HMSD: variants seen among roughly 807,000 people sequenced by gnomAD.
HMSD encodes histocompatibility minor serpin domain containing.
A neutral mutation model predicts 10.0 loss-of-function variants in HMSD; 13 were observed. The observed-to-expected ratio is 1.31, with a 90% confidence interval of 0.85 to 2.08. The LOEUF is 2.08. Ranked by LOEUF, HMSD falls within the 30% of genes most tolerant of loss-of-function variation. The pLI is 0.00. For synonymous variants in HMSD, 51 were observed against 54.2 expected, an observed-to-expected ratio of 0.94 and a Z score of 0.26; for missense variants, 169 against 166.3, an observed-to-expected ratio of 1.02 and a Z score of -0.09.
chr18:63,960,107 T>G, intron 3 of HMSD, 51 bp from the exon 4 acceptor site: 28 of 1,500,340 alleles, frequency 1.9e-5, no homozygotes, highest in Non-Finnish European at 2.3e-5. Context: ...AGTAAGCCAG[T>G]GATATTAGTT....
chr18:63,954,527 C>T lies in HMSD; in HGVS notation c.192C>T (p.Leu64=), dbSNP rs1168279387. The change falls in exon 3 of 4, where the codon CTC becomes CTT. Residue 64 remains leucine, a synonymous_variant. Transcript: ENST00000408945. ...ATGTGCTTAGAACTGCCAACGGGCT[C>T]TTTGGAGAAAAGTCTTATGATTTCC... ...TEYVLRTANG[L]FGEKSYDFLT... is the part of the protein sequence containing the mutation. The T allele has an allele frequency of 6.2e-7, 1 of 1,611,958 alleles. No individual in the cohort carries two copies. The highest frequency in any genetic ancestry group is 1.7e-5 in the Admixed American group (1 of 59,958).
chr18:63,957,697 T>C lies in HMSD; in HGVS notation c.223-2461T>C, dbSNP rs114183637. Reference sequence around the variant, plus strand: ...TTTACTAGCTTACTAGTTTTCTATATAAAGACAACCAAAATGTTAACAACC... The same window carrying C: ...TTTACTAGCTTACTAGTTTTCTATACAAAGACAACCAAAATGTTAACAACC... On this transcript the variant is annotated intron_variant, in intron 3 of 3. Transcript: ENST00000408945. 2.8e-3 allele frequency among the ~76,000 whole-genome samples: 426 copies of C among 152,282 alleles called. 1 individual carries two copies. Among genetic ancestry groups the C allele is most frequent in the African/African-American group, 9.6e-3 (399 of 41,568 alleles).
chr18:63,960,796 A>G lies in HMSD; in HGVS notation c.*441A>G, dbSNP rs916220306. On this transcript the variant is annotated 3_prime_UTR_variant, in exon 4 of 4. Transcript: ENST00000408945. ...CTGACACAACCCATATTTTCTTTCCATAACTGGCCAACTTTTCCCTTTGTA... is the reference window on the plus strand; with the variant it reads ...CTGACACAACCCATATTTTCTTTCCGTAACTGGCCAACTTTTCCCTTTGTA... 1.3e-5 allele frequency: 2 copies of G among 159,312 alleles called. No homozygotes were observed. Among genetic ancestry groups the G allele is most frequent in the African/African-American group, 2.4e-5 (1 of 41,484 alleles). The allele number at this position is 159,312 out of a possible 1,614,324, so 9.9% of individuals were successfully genotyped here. A position where few individuals can be genotyped will look rare whatever the true frequency, so the allele number is the denominator to read the frequency against.
chr18:63,955,853 G>A (rs73482152), intron 3 of HMSD, among the ~76,000 whole-genome samples: 4,469 of 152,330 alleles, frequency 0.029, 229 homozygotes, highest in African/African-American at 0.1. Context: ...TACAAAATGG[G>A]GAAGGATGAG....
chr18:63,953,347 GT>G lies in HMSD; in HGVS notation c.-102-4del. ...ATGTAATATTGTTTAAAAATCCATT[GT>G]TTCAGGCTCACCGTCATGGATGCTC... On this transcript the variant is annotated splice_region_variant and splice_polypyrimidine_tract_variant and intron_variant, in intron 1 of 3. Transcript: ENST00000408945. 1.3e-6 allele frequency: 1 copy of G among 757,026 alleles called. No individual in the cohort carries two copies. Among genetic ancestry groups the G allele is most frequent in the South Asian group, 1.5e-5 (1 of 65,462 alleles). The allele number at this position is 757,026 out of a possible 1,614,324, so 46.9% of individuals were successfully genotyped here.
chr18:63,949,435 C>G (rs2050317559), intron 1 of HMSD, 35 bp downstream of exon 1: 1 of 152,412 alleles, frequency 6.6e-6, no homozygotes, highest in South Asian at 2.1e-4. Flanking sequence ...TTCCCACACG[C>G]TGGATTCTCG....
chr18:63,961,199 G>GT lies in HMSD; in HGVS notation c.*856dup, dbSNP rs200454737. ...CCTCTAAGTATCCAAGCAGGAGGGT[G>GT]TTTTTTTTTTTTCTTTCCTGGAATG... On this transcript the variant is annotated 3_prime_UTR_variant, in exon 4 of 4. Transcript: ENST00000408945. 530 of 122,718 alleles carry GT rather than the reference G, an allele frequency of 4.3e-3. 1 individual carries two copies. Among genetic ancestry groups the GT allele is most frequent in the African/African-American group, 0.013 (370 of 27,434 alleles). 7.6% of individuals were successfully genotyped at this position (122,718 alleles called of 1,614,324 possible). A position where few individuals can be genotyped will look rare whatever the true frequency, so the allele number is the denominator to read the frequency against.
At chr18:63,952,500 T>TA (rs2050336512) in intron 1 of HMSD, among the ~76,000 whole-genome samples, 1 of 152,242 alleles carries the variant, frequency 6.6e-6, no homozygotes, top group South Asian at 2.1e-4. Context: ...CTATGAATTA[T>TA]ACTTACATGT....
At chr18:63,967,426 GC>G (rs1429693273) in intron 3 of HMSD, among the ~76,000 whole-genome samples, 1 of 152,190 alleles carries the variant, frequency 6.6e-6, no homozygotes, top group Admixed American at 6.5e-5. Context: ...GAGCCACTGT[GC>G]CCTGCCCCGT....
chr18:63,960,157 G>T lies in HMSD; in HGVS notation c.223-1G>T. On this transcript the variant is annotated splice_acceptor_variant, in intron 3 of 3. Transcript: ENST00000408945. LOFTEE classifies it high-confidence loss of function. ...GAAATTATGTTTTTGGTTTTTCCTA[G>T]GGTTTTACAGATTCCTGTGGCAAAT... 1.2e-6 allele frequency: 2 copies of T among 1,609,888 alleles called. No individual in the cohort carries two copies. Among genetic ancestry groups the T allele is most frequent in the South Asian group, 1.1e-5 (1 of 89,550 alleles).
chr18:63,969,303 A>G (rs2050429754), intron 3 of HMSD: 1 of 152,384 alleles, frequency 6.6e-6, no homozygotes, highest in South Asian at 2.1e-4. Flanking sequence ...GTATAAAATA[A>G]TTAGAATTGG....
At chr18:63,966,724 G>A (rs1364831014), downstream of HMSD, 2 of 152,136 alleles carry the variant, frequency 1.3e-5, no homozygotes, top group African/African-American at 4.8e-5. Context: ...CAATTGTCTT[G>A]TGACAATATT....
At chr18:63,966,697 A>G (rs935973303), downstream of HMSD, 3 of 152,236 alleles carry the variant, frequency 2.0e-5, no homozygotes, top group Admixed American at 6.5e-5. Context: ...CCATCACTGA[A>G]TATGTGAAAC....
intron 1 of HMSD, among the ~76,000 whole-genome samples, chr18:63,952,229 T>C (rs2050334536): frequency 6.6e-6 from 1 of 151,540 alleles, no homozygotes; most frequent in South Asian, 2.1e-4. Flanking sequence ...GCATGGCACA[T>C]GTATACATAA....
chr18:63,964,088 T>C (rs1363279855), downstream of HMSD, among the ~76,000 whole-genome samples: 2 of 152,242 alleles, frequency 1.3e-5, no homozygotes, highest in Non-Finnish European at 2.9e-5. Flanking sequence ...ATATGGCTTC[T>C]CGTAAGCCAG....
rs1290388388 is a variant in HMSD at position 63,953,451 on chromosome 18, T to C, written c.-5T>C. 1 of 1,613,024 alleles carries C rather than the reference T, an allele frequency of 6.2e-7. No homozygotes were observed. Among genetic ancestry groups the C allele is most frequent in the African/African-American group, 1.3e-5 (1 of 74,896 alleles). On this transcript the variant is annotated 5_prime_UTR_variant, in exon 2 of 4. Coordinates refer to ENST00000408945, the MANE Select transcript of HMSD (RefSeq NM_001123366.2). ...AAACAACTCAAACAACTTATTTTTTTCCCCATGAGCATATCATCAGCCTTG... is the reference window on the plus strand; with the variant it reads ...AAACAACTCAAACAACTTATTTTTTCCCCCATGAGCATATCATCAGCCTTG...
downstream of HMSD, among the ~76,000 whole-genome samples, chr18:63,962,566 C>T (rs957215989): frequency 3.3e-5 from 5 of 152,132 alleles, no homozygotes; most frequent in Admixed American, 6.5e-5. Context: ...TGCATCTGGG[C>T]GCTATGAACT....
intron 1 of HMSD, among the ~76,000 whole-genome samples, chr18:63,950,319 G>A (rs1226703780): frequency 1.4e-5 from 2 of 147,606 alleles, no homozygotes; most frequent in African/African-American, 5.1e-5. Context: ...AGGAGGCTGA[G>A]GCAGAAGAAT....
At position 63,960,466 on chromosome 18, in the gene HMSD, T is replaced by A; in HGVS notation, c.*111T>A. The A allele has an allele frequency of 7.2e-7, 1 of 1,397,142 alleles. No individual in the cohort carries two copies. The highest frequency in any genetic ancestry group is 9.4e-7 in the Non-Finnish European group (1 of 1,060,974). 86.5% of individuals were successfully genotyped at this position (1,397,142 alleles called of 1,614,324 possible). ...GCTTTAGCTTTTCCCTTATCAAGTA[T>A]CTGTGATGTCTCTCTAGATGAAATA... On this transcript the variant is annotated 3_prime_UTR_variant, in exon 4 of 4. Transcript: ENST00000408945.
Sources: allele counts gnomAD v4.1 joint callset (sites outside exome capture counted in the v4.1 genomes callset), GRCh38; gene constraint gnomAD v4.1.1; transcripts MANE v1.5; gene names NCBI Gene and HGNC (gene_info 2026-07-23, HGNC 2026-07-21).